The following BNC2 variants were observed in gnomAD, a reference collection of about 807,000 sequenced individuals.
BNC2 encodes basonuclin zinc finger protein 2.
In BNC2, 20 loss-of-function variants were observed where a neutral mutation model predicts 76.3. That is an observed-to-expected ratio of 0.26 (90% CI 0.18 to 0.38). The LOEUF (loss-of-function observed/expected upper bound fraction) is 0.38. BNC2 is among the 10% of genes least tolerant of loss of function. BNC2 has a pLI of 1.00. For synonymous variants in BNC2, 582 were observed against 514.8 expected, an observed-to-expected ratio of 1.13 and a Z score of -1.77; for missense variants, 1,382 against 1,399.8, an observed-to-expected ratio of 0.99 and a Z score of 0.20.
At chr9:16,463,554 C>T (rs1821635694) in intron 5 of BNC2, among the ~76,000 whole-genome samples, 1 of 143,616 alleles carries the variant, frequency 7.0e-6, no homozygotes, top group Admixed American at 6.7e-5. Context: ...CCTCGGCCTC[C>T]CAAAGTGCTG....
chr9:16,835,273 G>C (rs369064269), intron 1 of BNC2, among the ~76,000 whole-genome samples: 3 of 152,052 alleles, frequency 2.0e-5, no homozygotes, highest in Non-Finnish European at 4.4e-5. Flanking sequence ...ATTTTTCTTT[G>C]TTAAGTATGT....
intron 5 of BNC2, among the ~76,000 whole-genome samples, chr9:16,472,567 A>G (rs550181492): frequency 6.6e-6 from 1 of 152,312 alleles, no homozygotes; most frequent in African/African-American, 2.4e-5. Context: ...TGGCTCGCCT[A>G]TTCACTCAGT....
intron 3 of BNC2, among the ~76,000 whole-genome samples, chr9:16,659,939 C>T (rs1040683628): frequency 7.2e-5 from 11 of 152,198 alleles, no homozygotes; most frequent in Non-Finnish European, 1.2e-4. Flanking sequence ...TTACACTGTA[C>T]CTCCAGCAAC....
chr9:16,495,050 T>G (rs562482930), intron 5 of BNC2, among the ~76,000 whole-genome samples: 1 of 152,308 alleles, frequency 6.6e-6, no homozygotes, highest in South Asian at 2.1e-4. Flanking sequence ...TTAGCAAGTG[T>G]GACTTTCCAT....
chr9:16,603,678 T>G (rs149477355), intron 3 of BNC2, among the ~76,000 whole-genome samples: 2 of 152,216 alleles, frequency 1.3e-5, no homozygotes, highest in Non-Finnish European at 2.9e-5. Flanking sequence ...GCAAGTGCCA[T>G]GAAATCTGGC....
chr9:16,819,813 A>T (rs1338970469), intron 1 of BNC2, among the ~76,000 whole-genome samples: 4 of 149,996 alleles, frequency 2.7e-5, no homozygotes, highest in Non-Finnish European at 5.9e-5. Context: ...TGAGATATGT[A>T]TTTTTTTTTT....
chr9:16,520,758 G>A (rs1288184212), intron 5 of BNC2, among the ~76,000 whole-genome samples: 2 of 152,170 alleles, frequency 1.3e-5, no homozygotes, highest in Non-Finnish European at 2.9e-5. Flanking sequence ...CACTGTACCT[G>A]CATAAGCTAT....
intron 3 of BNC2, among the ~76,000 whole-genome samples, chr9:16,719,034 G>C (rs558137955): frequency 1.8e-4 from 27 of 152,214 alleles, no homozygotes; most frequent in Admixed American, 3.3e-4. Flanking sequence ...ACCTAAAAAA[G>C]AAAGAATAAA....
chr9:16,786,557 C>G (rs371125734), intron 1 of BNC2, among the ~76,000 whole-genome samples: 4 of 152,214 alleles, frequency 2.6e-5, no homozygotes, highest in African/African-American at 9.6e-5. Flanking sequence ...AATAAAGTTA[C>G]AACAGATATG....
intron 3 of BNC2, among the ~76,000 whole-genome samples, chr9:16,613,446 G>A (rs1820609111): frequency 6.6e-6 from 1 of 152,178 alleles, no homozygotes; most frequent in South Asian, 2.1e-4. Context: ...AATGCCACAT[G>A]TTATTGAAAA....
rs571840049 is a variant in BNC2 at position 16,500,909 on chromosome 9, A to C, written c.669+51621T>G. 2.2e-4 allele frequency among the ~76,000 whole-genome samples: 34 copies of C among 152,294 alleles called. No homozygotes were observed. The South Asian group carries it at 2.5e-3, about 11-fold the overall frequency. On this transcript the variant is annotated intron_variant, in intron 5 of 6. Transcript: ENST00000380672. Reference sequence around the variant, plus strand: ...CTAGTAACTAACCATCAGTATTTGAACCAATCTGTATAAGACAGTGGTGTG... The same window carrying C: ...CTAGTAACTAACCATCAGTATTTGACCCAATCTGTATAAGACAGTGGTGTG...
At chr9:16,832,380 T>A (rs557051872) in intron 1 of BNC2, 1 of 1,134,282 alleles carries the variant, frequency 8.8e-7, no homozygotes, top group Non-Finnish European at 1.1e-6. Flanking sequence ...ACACAATATG[T>A]TTTGCCCAGT....
intron 6 of BNC2, among the ~76,000 whole-genome samples, chr9:16,423,311 A>G (rs909019826): frequency 6.6e-6 from 1 of 152,192 alleles, no homozygotes. Flanking sequence ...GGTTGTTTCT[A>G]CTTGCTTTGA....
intron 5 of BNC2, among the ~76,000 whole-genome samples, chr9:16,537,976 G>A (rs544317835): frequency 6.6e-6 from 1 of 152,312 alleles, no homozygotes; most frequent in Admixed American, 6.5e-5. Context: ...ATACAGTAAA[G>A]CTTCCTTCCA....
rs762984886 is a variant in BNC2, at chr9:16,838,139, G to A, written c.3+32507C>T. ...TACTTAAATAAGGCATACATAATGC[G>A]ATATTTACACTGTACACAAGTTTCA... On this transcript the variant is annotated intron_variant, in intron 1 of 6. Coordinates refer to ENST00000380672, the MANE Select transcript of BNC2 (RefSeq NM_017637.6). Among the ~76,000 whole-genome samples the A allele has an allele frequency of 6.6e-5, 10 of 152,178 alleles. No homozygotes were observed. The East Asian group carries it at 9.6e-4, about 15-fold the overall frequency.
chr9:16,468,982 T>C lies in BNC2; in HGVS notation c.670-31458A>G, dbSNP rs111722941. Among the ~76,000 whole-genome samples the C allele has an allele frequency of 3.8e-3, 577 of 152,338 alleles. 4 individuals carry two copies. The highest frequency in any genetic ancestry group is 0.013 in the African/African-American group (534 of 41,576). On this transcript the variant is annotated intron_variant, in intron 5 of 6. Transcript: ENST00000380672. Reference sequence around the variant, plus strand: ...ATTCACAGAAAACTAATGAAAATGTTTGCTGAATGAATATATCTAGTTAAA... The same window carrying C: ...ATTCACAGAAAACTAATGAAAATGTCTGCTGAATGAATATATCTAGTTAAA...
In BNC2 at chr9:16,435,637, T is replaced by C; in HGVS notation, c.2557A>G (p.Arg853Gly). 6.2e-7 allele frequency: 1 copy of C among 1,614,152 alleles called. No homozygotes were observed. Among genetic ancestry groups the C allele is most frequent in the Non-Finnish European group, 8.5e-7 (1 of 1,180,002 alleles). ...TGCATCTCTTTCAAGTGAACGTTCCTGTAGTGAAGTTTCACACTGTAGGAG... is the reference window on the plus strand; with the variant it reads ...TGCATCTCTTTCAAGTGAACGTTCCCGTAGTGAAGTTTCACACTGTAGGAG... ...KSSYSVKLHY[R>G]NVHLKEMHVC... is the part of the protein sequence containing the mutation. Residue 853 changes from arginine (R) to glycine (G), a missense_variant, in exon 6 of 7, where the codon AGG (arginine) becomes GGG (glycine). Coordinates refer to ENST00000380672, the MANE Select transcript of BNC2 (RefSeq NM_017637.6).
At chr9:16,761,870 A>C (rs1488490416) in intron 1 of BNC2, among the ~76,000 whole-genome samples, 1 of 152,208 alleles carries the variant, frequency 6.6e-6, no homozygotes, top group Non-Finnish European at 1.5e-5. Flanking sequence ...GATGAAATTG[A>C]AAATGCTACC....
At chr9:16,430,663 C>T (rs910954960) in intron 6 of BNC2, among the ~76,000 whole-genome samples, 1 of 152,154 alleles carries the variant, frequency 6.6e-6, no homozygotes, top group African/African-American at 2.4e-5. Flanking sequence ...CACACCTGTA[C>T]AGGGCTGGAA....
Sources: allele counts gnomAD v4.1 joint callset (sites outside exome capture counted in the v4.1 genomes callset), GRCh38; gene constraint gnomAD v4.1.1; transcripts MANE v1.5; gene names NCBI Gene and HGNC (gene_info 2026-07-23, HGNC 2026-07-21).